The following SMIM36 variants were observed in gnomAD, a reference collection of about 807,000 sequenced individuals.
SMIM36 encodes the protein small integral membrane protein 36.
chr17:55,504,167 G>A (rs1227394458), intron 1 of SMIM36, among the ~76,000 whole-genome samples: 1 of 112,622 alleles, frequency 8.9e-6, no homozygotes, highest in African/African-American at 4.2e-5. Context: ...ACAGATCAAC[G>A]AGACAGAAAG....
At chr17:55,518,862 G>A in the SMIM36 span, among the ~76,000 whole-genome samples, 4 of 152,272 alleles carry the variant, frequency 2.6e-5, no homozygotes, top group African/African-American at 4.8e-5. Flanking sequence ...CTTGAACAGC[G>A]ATGAAATCCA....
At chr17:55,522,255 T>A in the SMIM36 span, among the ~76,000 whole-genome samples, 1 of 152,228 alleles carries the variant, frequency 6.6e-6, no homozygotes, top group Non-Finnish European at 1.5e-5. Flanking sequence ...TCTCCTCCGA[T>A]TATCTGCATA....
chr17:55,523,688 G>A, the SMIM36 span, among the ~76,000 whole-genome samples: 1 of 152,170 alleles, frequency 6.6e-6, no homozygotes, highest in East Asian at 1.9e-4. Context: ...TGCTGTTTAG[G>A]GCACCTAATA....
intron 1 of SMIM36, among the ~76,000 whole-genome samples, chr17:55,492,183 T>C (rs1567868609): frequency 1.3e-5 from 2 of 149,408 alleles, no homozygotes; most frequent in Non-Finnish European, 3.0e-5. Flanking sequence ...AAAATTAAAA[T>C]AAAGAGAGCA....
intron 1 of SMIM36, among the ~76,000 whole-genome samples, chr17:55,481,428 T>C (rs1416083969): frequency 1.3e-5 from 2 of 152,126 alleles, no homozygotes; most frequent in African/African-American, 4.8e-5. Context: ...AGAGAGAATT[T>C]TGGAGTCACT....
At chr17:55,461,997 T>C (rs1023852505) in intron 4 of SMIM36, among the ~76,000 whole-genome samples, 3 of 152,334 alleles carry the variant, frequency 2.0e-5, no homozygotes, top group East Asian at 3.9e-4. Flanking sequence ...GATATGGTGA[T>C]AGGCAAATTC....
At chr17:55,452,769 A>G (rs1185005154) in intron 4 of SMIM36, among the ~76,000 whole-genome samples, 1 of 152,182 alleles carries the variant, frequency 6.6e-6, no homozygotes, top group African/African-American at 2.4e-5. Context: ...GTTGCTGTAT[A>G]TTTTGGGTAC....
intron 4 of SMIM36, among the ~76,000 whole-genome samples, chr17:55,464,975 G>A (rs958801827): frequency 1.4e-4 from 22 of 152,188 alleles, no homozygotes; most frequent in African/African-American, 5.3e-4. Flanking sequence ...CAGTTCACCT[G>A]AAAATAAATT....
the SMIM36 span, chr17:55,527,652 A>C: frequency 6.6e-6 from 1 of 152,190 alleles, no homozygotes; most frequent in Non-Finnish European, 1.5e-5. Flanking sequence ...TGAGGGTGAC[A>C]CTATAGGCAA....
At chr17:55,472,942 C>A (rs2143262362) in intron 3 of SMIM36, among the ~76,000 whole-genome samples, 1 of 151,998 alleles carries the variant, frequency 6.6e-6, no homozygotes, top group African/African-American at 2.4e-5. Flanking sequence ...ATAGCCAATG[C>A]CTCCACACCC....
chr17:55,452,446 G>A (rs548454501), intron 4 of SMIM36, among the ~76,000 whole-genome samples: 6 of 152,290 alleles, frequency 3.9e-5, no homozygotes, highest in South Asian at 2.1e-4. Flanking sequence ...AACTCATAGG[G>A]CTGGAGAGGT....
the SMIM36 span, among the ~76,000 whole-genome samples, chr17:55,525,925 T>A: frequency 6.6e-6 from 1 of 152,164 alleles, no homozygotes; most frequent in East Asian, 1.9e-4. Flanking sequence ...CTCAAACTGC[T>A]GGGATTACAG....
the SMIM36 span, among the ~76,000 whole-genome samples, chr17:55,516,716 G>T: frequency 6.6e-6 from 1 of 151,786 alleles, no homozygotes; most frequent in Non-Finnish European, 1.5e-5. Context: ...CTGCCACCAC[G>T]CCCGGCTAAT....
chr17:55,527,440 G>T, the SMIM36 span, among the ~76,000 whole-genome samples: 1 of 152,126 alleles, frequency 6.6e-6, no homozygotes, highest in Non-Finnish European at 1.5e-5. Context: ...AAGAACATTT[G>T]GCGCAATCCA....
chr17:55,495,725 T>C (rs1909796511), intron 1 of SMIM36, among the ~76,000 whole-genome samples: 1 of 151,968 alleles, frequency 6.6e-6, no homozygotes, highest in African/African-American at 2.4e-5. Flanking sequence ...CCCCAGAAGT[T>C]CAAGGCTGCT....
intron 1 of SMIM36, among the ~76,000 whole-genome samples, chr17:55,508,777 G>T (rs1312862121): frequency 6.6e-6 from 1 of 151,764 alleles, no homozygotes; most frequent in Non-Finnish European, 1.5e-5. Flanking sequence ...ACAAAAATTA[G>T]CTGCGTGTGG....
the SMIM36 span, among the ~76,000 whole-genome samples, chr17:55,517,303 C>T: frequency 1.3e-5 from 2 of 152,192 alleles, no homozygotes; most frequent in South Asian, 2.1e-4. Context: ...GTAATACCAG[C>T]ACTTTGGGAG....
intron 4 of SMIM36, among the ~76,000 whole-genome samples, chr17:55,451,987 C>A (rs777621248): frequency 2.8e-4 from 42 of 150,004 alleles, no homozygotes; most frequent in Non-Finnish European, 4.4e-4. Context: ...GTGCCCTCAG[C>A]AACTTGGGAG....
At chr17:55,530,916 A>G in the SMIM36 span, among the ~76,000 whole-genome samples, 9 of 152,342 alleles carry the variant, frequency 5.9e-5, no homozygotes, top group Non-Finnish European at 1.0e-4. Flanking sequence ...AAGTTCAACT[A>G]TTAGATTCAG....
Sources: gnomAD v4.1 joint callset for allele counts (sites outside exome capture counted in the v4.1 genomes callset) on GRCh38, gnomAD v4.1.1 for gene constraint, MANE v1.5 for transcripts, NCBI Gene and HGNC (gene_info 2026-07-23, HGNC 2026-07-21) for gene names.